The following ACTL6B variants were observed in gnomAD, a reference collection of about 807,000 sequenced individuals.
ACTL6B encodes the protein actin-like protein 6B.
ACTL6B carries 48 observed loss-of-function variants against 63.3 expected under a neutral mutation model. The observed-to-expected ratio is 0.76, with a 90% CI of 0.60 to 0.96. ACTL6B has a LOEUF of 0.96. Among genes scored for constraint, ACTL6B ranks in the 50% least tolerant of loss-of-function variants. The pLI, the probability that ACTL6B is intolerant of heterozygous loss-of-function variation, is 0.00. For synonymous variants in ACTL6B, 230 were observed against 223.8 expected (o/e 1.03, Z -0.25); for missense variants, 350 against 572.2 (o/e 0.61, Z 3.96).
chr7:100,650,233 T>TCA (rs372909540), intron 4 of ACTL6B, 98 bp from the exon 5 acceptor site: 14 of 944,590 alleles, frequency 1.5e-5, no homozygotes, highest in Middle Eastern at 2.3e-4. Flanking sequence ...ACACTCACGG[T>TCA]CACACACACA....
intron 4 of ACTL6B, among the ~76,000 whole-genome samples, chr7:100,650,755 CA>C (rs1409638148): frequency 1.8e-4 from 27 of 150,756 alleles, no homozygotes; most frequent in African/African-American, 6.6e-4. Flanking sequence ...AGGATTGGAA[CA>C]TAAAGTGGAG....
intron 13 of ACTL6B, among the ~76,000 whole-genome samples, chr7:100,644,728 T>G (rs1321458664): frequency 6.6e-6 from 1 of 151,070 alleles, no homozygotes; most frequent in Non-Finnish European, 1.5e-5. Context: ...ATTACAGGTG[T>G]GAGCCACTCC....
intron 13 of ACTL6B, among the ~76,000 whole-genome samples, chr7:100,645,732 A>G (rs552896816): frequency 6.6e-6 from 1 of 152,034 alleles, no homozygotes; most frequent in East Asian, 1.9e-4. Flanking sequence ...CCTGGGTTCA[A>G]GAGATTCTCC....
rs1019740208 is a variant in ACTL6B, at chr7:100,648,674, G to C, written c.563-12C>G. On this transcript the variant is annotated splice_polypyrimidine_tract_variant and intron_variant, in intron 6 of 13. Coordinates refer to ENST00000160382, the MANE Select transcript of ACTL6B (RefSeq NM_016188.5). The surrounding 1 kb of genome is among the most constrained non-coding windows in gnomAD (Gnocchi z 4.4). ...GGACTTGACGATGCCTAGAAGGAAG[G>C]CACTGTCAGGACCTGGTCCTCCTGG... 2 of 1,612,358 alleles carry C rather than the reference G, an allele frequency of 1.2e-6. No homozygotes were observed. The highest frequency in any genetic ancestry group is 1.7e-6 in the Non-Finnish European group (2 of 1,178,906).
chr7:100,655,791 T>TGG lies in ACTL6B; in HGVS notation c.102+10_102+11dup. 1 of 1,562,236 alleles carries TGG rather than the reference T, an allele frequency of 6.4e-7. No individual in the cohort carries two copies. Among genetic ancestry groups the TGG allele is most frequent in the African/African-American group, 1.4e-5 (1 of 73,514 alleles). On this transcript the variant is annotated intron_variant, in intron 2 of 13. Coordinates refer to ENST00000160382, the MANE Select transcript of ACTL6B (RefSeq NM_016188.5). The surrounding 1 kb of genome is among the most constrained non-coding windows in gnomAD (Gnocchi z 4.4). ...AGCCCCTAGGATTTGGAGAGGAGAC[T>TGG]GGAAGGCTCACCTTGGGACAGTCCT...
At chr7:100,649,287 C>T (rs547665572) in intron 5 of ACTL6B, among the ~76,000 whole-genome samples, 9 of 150,958 alleles carry the variant, frequency 6.0e-5, no homozygotes, top group African/African-American at 1.7e-4. Context: ...CCACCACACC[C>T]GGCGACCCCA....
In ACTL6B at chr7:100,647,407, G is replaced by A; in HGVS notation, c.759+37C>T. 1.2e-6 allele frequency: 2 copies of A among 1,602,216 alleles called. No homozygotes were observed. The highest frequency in any genetic ancestry group is 1.1e-5 in the South Asian group (1 of 90,690). On this transcript the variant is annotated intron_variant, in intron 8 of 13. Coordinates refer to ENST00000160382, the MANE Select transcript of ACTL6B (RefSeq NM_016188.5). The surrounding 1 kb of genome is among the most constrained non-coding windows in gnomAD (Gnocchi z 4.4). Reference sequence around the variant, plus strand: ...TGTCCCGCCCCCGATTCATGGCAGGGGAGGGGGGTTTCAGGTGGCCCTCTC... The same window carrying A: ...TGTCCCGCCCCCGATTCATGGCAGGAGAGGGGGGTTTCAGGTGGCCCTCTC...
At chr7:100,653,934 A>T (rs553527572) in intron 4 of ACTL6B, among the ~76,000 whole-genome samples, 110 of 152,118 alleles carry the variant, frequency 7.2e-4, no homozygotes, top group Admixed American at 1.2e-3. Context: ...AGAGGAATTT[A>T]TAAGGAGGTG....
chr7:100,656,305 A>T, intron 1 of ACTL6B, 25 bp downstream of exon 1: 2 of 1,378,230 alleles, frequency 1.5e-6, no homozygotes, highest in Non-Finnish European at 1.9e-6. Context: ...GGGCTGCGGG[A>T]GCCGGGGGCC....
rs147582494 is a variant in ACTL6B at position 100,647,258 on chromosome 7, G to A, written c.786C>T (p.Ser262=). 1.8e-4 allele frequency: 297 copies of A among 1,610,366 alleles called. 1 individual carries two copies. Among genetic ancestry groups the A allele is most frequent in the African/African-American group, 3.8e-4 (28 of 74,544 alleles). ...AGGGGGAGTCTGAGACCTGCAGCACGGAGGCCTGGAAGTCCTGGATCACCT... is the reference window on the plus strand; with the variant it reads ...AGGGGGAGTCTGAGACCTGCAGCACAGAGGCCTGGAAGTCCTGGATCACCT... ...CNEVIQDFQA[S]VLQVSDSPYD... is the part of the protein sequence containing the mutation. Residue 262 remains serine (S), a synonymous_variant, in exon 9 of 14, where the codon TCC becomes TCT. Coordinates refer to ENST00000160382, the MANE Select transcript of ACTL6B (RefSeq NM_016188.5). The surrounding 1 kb of genome is among the most constrained non-coding windows in gnomAD (Gnocchi z 4.4).
In ACTL6B at chr7:100,648,325, C is replaced by T. The variant is rs1803865870; in HGVS notation, c.669+231G>A. 1 of 464,626 alleles carries T rather than the reference C, an allele frequency of 2.2e-6. No individual in the cohort carries two copies. The highest frequency in any genetic ancestry group is 3.9e-6 in the Non-Finnish European group (1 of 258,842). 28.8% of individuals were successfully genotyped at this position (464,626 alleles called of 1,614,324 possible). A position where few individuals can be genotyped will look rare whatever the true frequency, so the allele number is the denominator to read the frequency against. On this transcript the variant is annotated intron_variant, in intron 7 of 13. Transcript: ENST00000160382. The surrounding 1 kb of genome is among the most constrained non-coding windows in gnomAD (Gnocchi z 4.4). ...GGTCTATATTGGACCCTAGAACCCA[C>T]CACACTGGCCCTCACACATCCTGCT...
Position 100,655,896 on chromosome 7 carries a change from G to A in ACTL6B, c.26-17C>T. The A allele has an allele frequency of 6.4e-7, 1 of 1,556,708 alleles. No homozygotes were observed. Among genetic ancestry groups the A allele is most frequent in the Non-Finnish European group, 8.7e-7 (1 of 1,150,148 alleles). Reference sequence around the variant, plus strand: ...CCACCTCATCTGTGCGGGGAGACAGGCCTGTAAGGGGACCTCCCCCGAACT... The same window carrying A: ...CCACCTCATCTGTGCGGGGAGACAGACCTGTAAGGGGACCTCCCCCGAACT... On this transcript the variant is annotated splice_polypyrimidine_tract_variant and intron_variant, in intron 1 of 13. Transcript: ENST00000160382. This position sits in a 1 kb window ranked among gnomAD's most constrained non-coding sequence, Gnocchi z 4.4.
In ACTL6B at chr7:100,648,555, C is replaced by G; in HGVS notation, c.669+1G>C. 1 of 1,598,184 alleles carries G rather than the reference C, an allele frequency of 6.3e-7. No individual in the cohort carries two copies. Among genetic ancestry groups the G allele is most frequent in the Non-Finnish European group, 8.5e-7 (1 of 1,171,264 alleles). Reference sequence around the variant, plus strand: ...CAGCTCCATGTCCCCAGAGGCCCCACCTTGGCTGCGATCATGTAAGGTGGG... The same window carrying G: ...CAGCTCCATGTCCCCAGAGGCCCCAGCTTGGCTGCGATCATGTAAGGTGGG... On this transcript the variant is annotated splice_donor_variant, in intron 7 of 13. Transcript: ENST00000160382. LOFTEE classifies it high-confidence loss of function. The surrounding 1 kb of genome is among the most constrained non-coding windows in gnomAD (Gnocchi z 4.4).
At position 100,648,724 on chromosome 7, in the gene ACTL6B, C is replaced by T; in HGVS notation, c.562+5G>A. 1 of 1,614,072 alleles carries T rather than the reference C, an allele frequency of 6.2e-7. No individual in the cohort carries two copies. Among genetic ancestry groups the T allele is most frequent in the Non-Finnish European group, 8.5e-7 (1 of 1,180,004 alleles). On this transcript the variant is annotated splice_donor_5th_base_variant and intron_variant, in intron 6 of 13. Coordinates refer to ENST00000160382, the MANE Select transcript of ACTL6B (RefSeq NM_016188.5). The surrounding 1 kb of genome is among the most constrained non-coding windows in gnomAD (Gnocchi z 4.4). ...GAGCACCCCCACCCCCTGCCGAAGC[C>T]CCACCTTGCTGCAGAACGTAGCCGT...
Position 100,655,607 on chromosome 7 carries a change from G to A in ACTL6B, c.103-21C>T, listed in dbSNP as rs756705736. 4.2e-5 allele frequency: 68 copies of A among 1,605,002 alleles called. No individual in the cohort carries two copies. Among genetic ancestry groups the A allele is most frequent in the Non-Finnish European group, 5.4e-5 (63 of 1,176,024 alleles). On this transcript the variant is annotated intron_variant, in intron 2 of 13. Coordinates refer to ENST00000160382, the MANE Select transcript of ACTL6B (RefSeq NM_016188.5). The surrounding 1 kb of genome is among the most constrained non-coding windows in gnomAD (Gnocchi z 4.4). Reference sequence around the variant, plus strand: ...TCAGCCTGGTGGGGAAGGGTTGGGGGAGTATTGGCAGGGAGAGAGGTCACC... The same window carrying A: ...TCAGCCTGGTGGGGAAGGGTTGGGGAAGTATTGGCAGGGAGAGAGGTCACC...
At chr7:100,654,919 G>T in intron 4 of ACTL6B, 100 bp downstream of exon 4, 2 of 995,890 alleles carry the variant, frequency 2.0e-6, no homozygotes, top group Non-Finnish European at 3.1e-6. Context: ...AAGGGAAGTG[G>T]CTCAGAGCAG....
In ACTL6B at chr7:100,647,303, T is replaced by G. The variant is rs1584468233; in HGVS notation, c.760-19A>C. The G allele has an allele frequency of 6.2e-7, 1 of 1,612,560 alleles. No homozygotes were observed. Among genetic ancestry groups the G allele is most frequent in the South Asian group, 1.1e-5 (1 of 91,070 alleles). On this transcript the variant is annotated intron_variant, in intron 8 of 13. Coordinates refer to ENST00000160382, the MANE Select transcript of ACTL6B (RefSeq NM_016188.5). This position sits in a 1 kb window ranked among gnomAD's most constrained non-coding sequence, Gnocchi z 4.4. The stretch of plus-strand genomic sequence containing the variant: ...TCACCTCCTGAAATCCCAGCGGAGG[T>G]GGTGAGGGCCTGCCTTCCCCGTGAG...
intron 13 of ACTL6B, 41 bp from the exon 14 acceptor site, chr7:100,643,367 A>T: frequency 6.2e-7 from 1 of 1,607,472 alleles, no homozygotes; most frequent in Non-Finnish European, 8.5e-7. Flanking sequence ...GTGGCCTTGG[A>T]GGGAGGTGTG....
Position 100,655,005 on chromosome 7 carries a change from G to C in ACTL6B, c.369+14C>G. 1 of 1,607,476 alleles carries C rather than the reference G, an allele frequency of 6.2e-7. No homozygotes were observed. Among genetic ancestry groups the C allele is most frequent in the Non-Finnish European group, 8.5e-7 (1 of 1,174,432 alleles). On this transcript the variant is annotated intron_variant, in intron 4 of 13. Coordinates refer to ENST00000160382, the MANE Select transcript of ACTL6B (RefSeq NM_016188.5). The surrounding 1 kb of genome is among the most constrained non-coding windows in gnomAD (Gnocchi z 4.4). ...GAGATCAGGGTTGGACATGAGGATG[G>C]AGGAGGCACTCACCGGAGCCTCGGA...
Sources: gnomAD v4.1 joint callset for allele counts (sites outside exome capture counted in the v4.1 genomes callset) on GRCh38, gnomAD v4.1.1 for gene constraint, Gnocchi (gnomAD v3.1) non-coding constraint, MANE v1.5 for transcripts, NCBI Gene and HGNC (gene_info 2026-07-23, HGNC 2026-07-21) for gene names.